Variants in GRIN2B observed in about 807,000 individuals in gnomAD.
The protein encoded by GRIN2B is glutamate receptor ionotropic, NMDA 2B.
GRIN2B carries 5 observed loss-of-function variants against 114.5 expected under a neutral mutation model. The ratio of observed to expected loss-of-function variants is 0.04; its 90% CI spans 0.02 to 0.09. The LOEUF is 0.09. Ranked by LOEUF, GRIN2B falls within the 10% of genes least tolerant of loss-of-function variation. The probability of loss-of-function intolerance (pLI) is 1.00; values close to 1 mark genes in which losing one functional copy is unlikely to be tolerated. For synonymous variants in GRIN2B, 787 were observed against 745.1 expected (o/e 1.06, Z -0.92); for missense variants, 1,108 against 1,943.5 (o/e 0.57, Z 8.08).
intron 3 of GRIN2B, among the ~76,000 whole-genome samples, chr12:13,811,570 A>G (rs746333599): frequency 6.6e-6 from 1 of 152,182 alleles, no homozygotes; most frequent in Non-Finnish European, 1.5e-5. Flanking sequence ...ACACAGTGAG[A>G]CCCTGTCTTT....
intron 4 of GRIN2B, among the ~76,000 whole-genome samples, chr12:13,676,920 T>A (rs1180004839): frequency 2.6e-5 from 4 of 152,116 alleles, no homozygotes; most frequent in Non-Finnish European, 4.4e-5. Flanking sequence ...TGTGCATAGA[T>A]TAGCAGAAAC....
At chr12:13,717,850 C>T (rs1950470806) in intron 4 of GRIN2B, among the ~76,000 whole-genome samples, 1 of 151,936 alleles carries the variant, frequency 6.6e-6, no homozygotes, top group Admixed American at 6.6e-5. Context: ...TTCTGTTTGT[C>T]TACTGAGGTG....
chr12:13,657,172 G>C (rs1949873469), intron 5 of GRIN2B, among the ~76,000 whole-genome samples: 2 of 152,134 alleles, frequency 1.3e-5, no homozygotes, highest in Non-Finnish European at 2.9e-5. Flanking sequence ...GATTGAAAAA[G>C]TAAGGTGAAG....
At chr12:13,601,065 C>T (rs1235792319) in intron 10 of GRIN2B, among the ~76,000 whole-genome samples, 1 of 152,152 alleles carries the variant, frequency 6.6e-6, no homozygotes, top group East Asian at 1.9e-4. Flanking sequence ...ACTGACAATG[C>T]AAATCGGGAC....
intron 3 of GRIN2B, among the ~76,000 whole-genome samples, chr12:13,839,452 T>G (rs771361532): frequency 6.6e-6 from 1 of 152,136 alleles, no homozygotes; most frequent in African/African-American, 2.4e-5. Context: ...ATGGTGAAAA[T>G]CCCTGAGATG....
At chr12:13,592,122 CTAGTGGAGGG>C (rs754843801) in intron 10 of GRIN2B, among the ~76,000 whole-genome samples, 2 of 152,158 alleles carry the variant, frequency 1.3e-5, no homozygotes. Context: ...CTCAATGATT[CTAGTGGAGGG>C]TGACGGGTGT....
chr12:13,896,499 G>A (rs948183274), intron 2 of GRIN2B, among the ~76,000 whole-genome samples: 5 of 152,138 alleles, frequency 3.3e-5, no homozygotes, highest in Non-Finnish European at 7.4e-5. Flanking sequence ...TAAAGGGAAC[G>A]ATCATTAAGG....
chr12:13,925,088 A>G (rs1866891754), intron 2 of GRIN2B, among the ~76,000 whole-genome samples: 1 of 152,202 alleles, frequency 6.6e-6, no homozygotes, highest in South Asian at 2.1e-4. Flanking sequence ...TTTAATGCAC[A>G]CCTGAAACGA....
rs772177502 is a variant in GRIN2B at position 13,615,463 on chromosome 12, G to A, written c.1500+30C>T. ...AGAAGAAGGAAAATAAATGAAAATGGAAATGGAAACAGCCCTTGTGGACAC... is the reference window on the plus strand; with the variant it reads ...AGAAGAAGGAAAATAAATGAAAATGAAAATGGAAACAGCCCTTGTGGACAC... On this transcript the variant is annotated intron_variant, in intron 7 of 13. Transcript: ENST00000609686. The surrounding 1 kb of genome is among the most constrained non-coding windows in gnomAD (Gnocchi z 5.8). 24 of 1,585,410 alleles carry A rather than the reference G, an allele frequency of 1.5e-5. No homozygotes were observed. The South Asian group carries it at 2.5e-4, about 17-fold the overall frequency.
intron 2 of GRIN2B, among the ~76,000 whole-genome samples, chr12:13,905,660 C>A (rs886304846): frequency 6.6e-6 from 1 of 152,108 alleles, no homozygotes; most frequent in South Asian, 2.1e-4. Flanking sequence ...AGAAGTTTTG[C>A]ATTTGCTTCT....
At chr12:13,882,609 C>T (rs1256429088) in intron 2 of GRIN2B, among the ~76,000 whole-genome samples, 3 of 151,858 alleles carry the variant, frequency 2.0e-5, no homozygotes, top group African/African-American at 2.4e-5. Context: ...GTGAGACTTA[C>T]GTGAGAAAAT....
intron 2 of GRIN2B, among the ~76,000 whole-genome samples, chr12:13,917,644 G>A (rs1379478269): frequency 1.4e-5 from 2 of 144,860 alleles, no homozygotes; most frequent in Non-Finnish European, 3.0e-5. Flanking sequence ...CATGCTTAAG[G>A]AGACCAAGTT....
intron 2 of GRIN2B, among the ~76,000 whole-genome samples, chr12:13,917,291 C>A (rs937786461): frequency 6.6e-6 from 1 of 152,190 alleles, no homozygotes; most frequent in Non-Finnish European, 1.5e-5. Context: ...CAGCAACCCA[C>A]AATATATGGG....
intron 4 of GRIN2B, among the ~76,000 whole-genome samples, chr12:13,732,434 C>T (rs1277818531): frequency 2.6e-5 from 4 of 152,300 alleles, no homozygotes; most frequent in East Asian, 1.9e-4. Flanking sequence ...TTTGAAGAAA[C>T]TCCTCCTTCC....
chr12:13,791,266 A>G (rs1219112869), intron 3 of GRIN2B, among the ~76,000 whole-genome samples: 5 of 152,072 alleles, frequency 3.3e-5, no homozygotes, highest in Admixed American at 3.3e-4. Context: ...GATCGAGACC[A>G]TGGTGAAACC....
intron 4 of GRIN2B, among the ~76,000 whole-genome samples, chr12:13,743,629 G>A (rs2136618579): frequency 6.7e-6 from 1 of 149,660 alleles, no homozygotes; most frequent in South Asian, 2.1e-4. Context: ...CAATGGGAGT[G>A]TCTGGAAATA....
intron 5 of GRIN2B, among the ~76,000 whole-genome samples, chr12:13,640,576 T>G (rs1591654417): frequency 6.6e-6 from 1 of 152,174 alleles, no homozygotes; most frequent in African/African-American, 2.4e-5. Context: ...GCTCCTTTAT[T>G]CCGAATCTGG....
chr12:13,777,226 T>C (rs1361061156), intron 3 of GRIN2B, among the ~76,000 whole-genome samples: 3 of 152,128 alleles, frequency 2.0e-5, no homozygotes, highest in Non-Finnish European at 4.4e-5. Context: ...GAGTTAAAAA[T>C]GGGGCCAGGA....
intron 4 of GRIN2B, among the ~76,000 whole-genome samples, chr12:13,750,216 C>A (rs1222818586): frequency 6.6e-6 from 1 of 152,174 alleles, no homozygotes; most frequent in Non-Finnish European, 1.5e-5. Context: ...TGTAGGACTG[C>A]TACACTGGAA....
Sources: allele counts gnomAD v4.1 joint callset (sites outside exome capture counted in the v4.1 genomes callset), GRCh38; gene constraint gnomAD v4.1.1; non-coding constraint Gnocchi (gnomAD v3.1); transcripts MANE v1.5; gene names NCBI Gene and HGNC (gene_info 2026-07-23, HGNC 2026-07-21).